SRBD1: variants seen among roughly 807,000 people sequenced by gnomAD.
The protein encoded by SRBD1 is S1 RNA-binding domain-containing protein 1.
SRBD1 carries 88 observed loss-of-function variants against 115.3 expected under a neutral mutation model. The observed-to-expected ratio is 0.76, with a 90% CI of 0.64 to 0.91. The LOEUF (loss-of-function observed/expected upper bound fraction) is 0.91, where lower values mean the gene tolerates loss of function less well. Among genes scored for constraint, SRBD1 ranks in the 40% least tolerant of loss-of-function variants. SRBD1 has a pLI of 0.00. For synonymous variants in SRBD1, 509 were observed against 407.7 expected, an observed-to-expected ratio of 1.25 and a Z score of -2.99; for missense variants, 1,385 against 1,177.4, an observed-to-expected ratio of 1.18 and a Z score of -2.58.
At chr2:45,570,227 A>C (rs1377879563) in intron 9 of SRBD1, among the ~76,000 whole-genome samples, 1 of 152,174 alleles carries the variant, frequency 6.6e-6, no homozygotes, top group Non-Finnish European at 1.5e-5. Context: ...AGTTTCATTC[A>C]CTCTAAAGGC....
At chr2:45,610,396 C>T (rs1317246359) in intron 1 of SRBD1, among the ~76,000 whole-genome samples, 1 of 152,138 alleles carries the variant, frequency 6.6e-6, no homozygotes, top group Non-Finnish European at 1.5e-5. Flanking sequence ...TCCCAAGTCA[C>T]AAAAACAAAA....
At chr2:45,431,181 A>G (rs1016122029) in intron 16 of SRBD1, among the ~76,000 whole-genome samples, 5 of 152,152 alleles carry the variant, frequency 3.3e-5, no homozygotes, top group Admixed American at 3.3e-4. Flanking sequence ...CACTTTTTGG[A>G]ACACTTTAAC....
intron 14 of SRBD1, among the ~76,000 whole-genome samples, chr2:45,532,969 A>G (rs1671657892): frequency 6.6e-6 from 1 of 152,080 alleles, no homozygotes; most frequent in Admixed American, 6.6e-5. Context: ...TGCAACTAAA[A>G]TCAGAGAGAG....
At chr2:45,459,119 T>C (rs1349288168) in intron 16 of SRBD1, among the ~76,000 whole-genome samples, 1 of 151,990 alleles carries the variant, frequency 6.6e-6, no homozygotes, top group Admixed American at 6.6e-5. Context: ...CCTCTTCCAC[T>C]CCCACCTCCA....
Position 45,393,081 on chromosome 2 carries a change from T to C in SRBD1, c.2562A>G (p.Glu854=), listed in dbSNP as rs773940643. 1.9e-6 allele frequency: 3 copies of C among 1,613,674 alleles called. No homozygotes were observed. In the South Asian group the frequency reaches 3.3e-5, roughly 18 times the overall value. The part of the protein sequence containing the change: ...GGTLYEVGKP[E]MQQKINSFLE... Reference sequence around the variant, plus strand: ...GGAATGAATTTATTTTTTGTTGCATTTCAGGCTTTCCAACCTCATACAGTG... The same window carrying C: ...GGAATGAATTTATTTTTTGTTGCATCTCAGGCTTTCCAACCTCATACAGTG... Residue 854 remains glutamate, a synonymous_variant, in exon 20 of 21, where the codon GAA becomes GAG. Coordinates refer to ENST00000263736, the MANE Select transcript of SRBD1 (RefSeq NM_018079.5).
rs1364053522 is a variant in SRBD1 at position 45,389,133 on chromosome 2, A to G, written c.*177T>C. On this transcript the variant is annotated 3_prime_UTR_variant, in exon 21 of 21. Transcript: ENST00000263736. ...GTTTCCTTTAAGGGAAAAGGAAATC[A>G]AACTGTTGGTTTTCTATTTATTCAG... The G allele has an allele frequency of 1.3e-6, 1 of 741,902 alleles. No homozygotes were observed. Among genetic ancestry groups the G allele is most frequent in the African/African-American group, 1.8e-5 (1 of 56,498 alleles). 46.0% of individuals were successfully genotyped at this position (741,902 alleles called of 1,614,324 possible).
At chr2:45,567,496 C>T (rs1572786436) in intron 9 of SRBD1, among the ~76,000 whole-genome samples, 1 of 152,034 alleles carries the variant, frequency 6.6e-6, no homozygotes, top group East Asian at 1.9e-4. Context: ...ATAGTCCCAG[C>T]TCCTCAGGAG....
intron 16 of SRBD1, among the ~76,000 whole-genome samples, chr2:45,437,600 T>C (rs1393303397): frequency 6.6e-6 from 1 of 152,164 alleles, no homozygotes; most frequent in Non-Finnish European, 1.5e-5. Flanking sequence ...TGGTGGTACA[T>C]GTTGATATTC....
chr2:45,499,449 G>A (rs1251398958), intron 14 of SRBD1, among the ~76,000 whole-genome samples: 1 of 152,100 alleles, frequency 6.6e-6, no homozygotes, highest in African/African-American at 2.4e-5. Context: ...TCAGTAGGTT[G>A]CTTCTTCACT....
intron 5 of SRBD1, among the ~76,000 whole-genome samples, chr2:45,584,560 T>G (rs1437894586): frequency 1.3e-5 from 2 of 152,202 alleles, no homozygotes; most frequent in African/African-American, 4.8e-5. Flanking sequence ...CCCTTAATAC[T>G]TTTAAAATGG....
At chr2:45,487,801 C>G (rs1009673597) in intron 15 of SRBD1, among the ~76,000 whole-genome samples, 1 of 151,986 alleles carries the variant, frequency 6.6e-6, no homozygotes, top group East Asian at 1.9e-4. Flanking sequence ...TTACAGGCAC[C>G]TGCCACCATG....
rs774909123 is a variant in SRBD1 at position 45,573,380 on chromosome 2, A to G, written c.1170-38T>C. The G allele has an allele frequency of 3.2e-6, 5 of 1,580,754 alleles. No individual in the cohort carries two copies. In the South Asian group the frequency reaches 4.7e-5, roughly 15 times the overall value. ...ACAAGTGTTCAAAAAACAAGCAGTT[A>G]TTAATTTGTGCTTTAGTAAAGAATA... On this transcript the variant is annotated intron_variant, in intron 8 of 20. Coordinates refer to ENST00000263736, the MANE Select transcript of SRBD1 (RefSeq NM_018079.5).
At position 45,418,434 on chromosome 2, in the gene SRBD1, C is replaced by T; in HGVS notation, c.2264G>A (p.Gly755Asp). ...REQLKKVKGL[G>D]PKSFQQCAGF... ...AGCACACTGTTGGAAGGATTTTGGG[C>T]CCAGCCCTTTCACTTTCTTCAGCTG... The change falls in exon 18 of 21, where the codon GGC (glycine) becomes GAC (aspartate). Residue 755 changes from glycine (G) to aspartate (D), a missense_variant. Transcript: ENST00000263736. 1 of 1,613,754 alleles carries T rather than the reference C, an allele frequency of 6.2e-7. No individual in the cohort carries two copies. The highest frequency in any genetic ancestry group is 8.5e-7 in the Non-Finnish European group (1 of 1,179,928).
intron 16 of SRBD1, among the ~76,000 whole-genome samples, chr2:45,439,591 A>C (rs1013760946): frequency 6.6e-6 from 1 of 151,976 alleles, no homozygotes; most frequent in African/African-American, 2.4e-5. Flanking sequence ...ATTTTCTGCC[A>C]AAATAAGGCA....
Position 45,414,912 on chromosome 2 carries a change from GTATATAGTATGTACACACACAGTGT to G in SRBD1, c.2334-1644_2334-1620del, listed in dbSNP as rs1667761830. On this transcript the variant is annotated intron_variant, in intron 18 of 20. Coordinates refer to ENST00000263736, the MANE Select transcript of SRBD1 (RefSeq NM_018079.5). ...TAGTATGTACACACACATATAGTGTGTATATAGTATGTACACACACAGTGTTATATAGTATGTACATACACACACA... is the reference window on the plus strand; with the variant it reads ...TAGTATGTACACACACATATAGTGTGTATATAGTATGTACATACACACACA... Among the ~76,000 whole-genome samples the G allele has an allele frequency of 1.4e-4, 11 of 76,920 alleles. 1 individual carries two copies. The highest frequency in any genetic ancestry group is 6.2e-4 in the African/African-American group (11 of 17,624). The allele number at this position is 76,920 out of a possible 152,430, so 50.5% of individuals were successfully genotyped here.
intron 7 of SRBD1, among the ~76,000 whole-genome samples, chr2:45,576,116 A>ACTC (rs149307230): frequency 7.3e-5 from 11 of 150,628 alleles, no homozygotes; most frequent in Admixed American, 2.0e-4. Context: ...GACAGAAACA[A>ACTC]CTCCTCCTCC....
chr2:45,604,108 A>G (rs1358207797), intron 2 of SRBD1, among the ~76,000 whole-genome samples: 4 of 152,126 alleles, frequency 2.6e-5, no homozygotes, highest in African/African-American at 9.7e-5. Flanking sequence ...TTTCACATCT[A>G]GAATCCTATG....
chr2:45,590,596 G>A (rs1040967304), intron 4 of SRBD1, among the ~76,000 whole-genome samples: 1 of 152,176 alleles, frequency 6.6e-6, no homozygotes, highest in Admixed American at 6.5e-5. Flanking sequence ...TTTTGTAAGT[G>A]TCTGGCATTT....
intron 14 of SRBD1, among the ~76,000 whole-genome samples, chr2:45,510,016 T>G (rs1670918915): frequency 6.6e-6 from 1 of 152,256 alleles, no homozygotes; most frequent in African/African-American, 2.4e-5. Context: ...ATTACAGATG[T>G]GAGCCACCAT....
Sources: gnomAD v4.1 joint callset for allele counts (sites outside exome capture counted in the v4.1 genomes callset) on GRCh38, gnomAD v4.1.1 for gene constraint, MANE v1.5 for transcripts, NCBI Gene and HGNC (gene_info 2026-07-23, HGNC 2026-07-21) for gene names.